The following HSD17B4 variants were observed in gnomAD, a reference collection of about 807,000 sequenced individuals.
The protein encoded by HSD17B4 is peroxisomal multifunctional enzyme type 2.
A neutral mutation model predicts 101.0 loss-of-function variants in HSD17B4; 70 were observed. That is an observed-to-expected ratio of 0.69 (90% confidence interval 0.57 to 0.85). HSD17B4 has a LOEUF of 0.85. HSD17B4 is among the 40% of genes least tolerant of loss of function. HSD17B4 has a pLI of 0.00. For synonymous variants in HSD17B4, 347 were observed against 297.1 expected (o/e 1.17, Z -1.73); for missense variants, 984 against 892.4 (o/e 1.10, Z -1.31).
At position 119,493,875 on chromosome 5, in the gene HSD17B4, C is replaced by T. The variant is rs1377952475; in HGVS notation, c.797C>T (p.Pro266Leu). 1.9e-6 allele frequency: 3 copies of T among 1,612,988 alleles called. No individual in the cohort carries two copies. Among genetic ancestry groups the T allele is most frequent in the Admixed American group, 1.7e-5 (1 of 59,924 alleles). ...IVRQKNHPMT[P>L]EAVKANWKKI... ...AGACAAAAGAATCACCCAATGACTC[C>T]TGAGGCAGTCAAGGCTAACTGGAAG... Residue 266 changes from proline (P) to leucine (L), a missense_variant, in exon 11 of 24, where the codon CCT becomes CTT. Physicochemically the swap from Pro to Leu is moderately conservative, Grantham distance 98. Transcript: ENST00000510025.
chr5:119,520,798 G>A (rs1370867328), intron 17 of HSD17B4, among the ~76,000 whole-genome samples: 1 of 151,888 alleles, frequency 6.6e-6, no homozygotes, highest in Non-Finnish European at 1.5e-5. Context: ...TGCCCTTAAT[G>A]CCTCATTTTC....
chr5:119,490,825 C>G (rs1287443298), intron 9 of HSD17B4, among the ~76,000 whole-genome samples: 3 of 152,138 alleles, frequency 2.0e-5, no homozygotes, highest in Non-Finnish European at 4.4e-5. Flanking sequence ...GCCTTGGCCT[C>G]CCAAAGTCCT....
chr5:119,482,343 C>T (rs1438228936), intron 8 of HSD17B4, among the ~76,000 whole-genome samples: 1 of 151,804 alleles, frequency 6.6e-6, no homozygotes, highest in Non-Finnish European at 1.5e-5. Context: ...TTAAAGTAAC[C>T]ATCTGTTCTT....
chr5:119,518,845 G>T (rs896202820), intron 17 of HSD17B4, among the ~76,000 whole-genome samples: 2 of 152,070 alleles, frequency 1.3e-5, no homozygotes, highest in Non-Finnish European at 2.9e-5. Flanking sequence ...CTTGAAACTG[G>T]TATGACAGGC....
At position 119,541,998 on chromosome 5, in the gene HSD17B4, G is replaced by T. The variant is rs781206714; in HGVS notation, c.*4G>T. 1.3e-6 allele frequency: 2 copies of T among 1,580,314 alleles called. No homozygotes were observed. The highest frequency in any genetic ancestry group is 3.3e-5 in the Admixed American group (2 of 59,862). ...TAAAGACTACGCCAAGCTCTGAAGG[G>T]CACACTACACTATTAATAAAAATGG... On this transcript the variant is annotated 3_prime_UTR_variant, in exon 24 of 24. Coordinates refer to ENST00000510025, the MANE Select transcript of HSD17B4 (RefSeq NM_000414.4).
intron 23 of HSD17B4, 115 bp from the exon 24 acceptor site, chr5:119,541,789 GT>G (rs1194534704): frequency 2.9e-6 from 2 of 693,100 alleles, no homozygotes; most frequent in Non-Finnish European, 5.1e-6. Context: ...GGTTGCCTTT[GT>G]TGTCCAGAAT....
intron 8 of HSD17B4, among the ~76,000 whole-genome samples, chr5:119,487,809 T>C (rs1332101594): frequency 6.6e-6 from 1 of 152,164 alleles, no homozygotes; most frequent in Non-Finnish European, 1.5e-5. Context: ...ATTAGAGGAA[T>C]GTTATGTATT....
At chr5:119,502,327 G>A (rs1034547907) in intron 14 of HSD17B4, among the ~76,000 whole-genome samples, 2 of 152,062 alleles carry the variant, frequency 1.3e-5, no homozygotes, top group East Asian at 1.9e-4. Flanking sequence ...CTCTGTTGAT[G>A]TATGTGTTAT....
chr5:119,508,452 A>C (rs1751864459), intron 15 of HSD17B4, among the ~76,000 whole-genome samples: 1 of 152,212 alleles, frequency 6.6e-6, no homozygotes, highest in Non-Finnish European at 1.5e-5. Context: ...ATTTTTCTTT[A>C]GTATGCAATT....
chr5:119,525,726 C>CTTT, intron 18 of HSD17B4, 191 bp from the exon 19 acceptor site: 2 of 347,708 alleles, frequency 5.8e-6, no homozygotes, highest in Middle Eastern at 7.4e-4. Context: ...TTTTTTTTTT[C>CTTT]TTTCTTTCTT....
chr5:119,536,579 T>A, intron 23 of HSD17B4, 29 bp downstream of exon 23: 2 of 1,606,676 alleles, frequency 1.2e-6, no homozygotes, highest in Non-Finnish European at 1.7e-6. Flanking sequence ...CATTTATTCA[T>A]TGTTTTATTG....
At chr5:119,501,910 CAGAGAT>C in intron 13 of HSD17B4, 125 bp from the exon 14 acceptor site, 1 of 668,696 alleles carries the variant, frequency 1.5e-6, no homozygotes, top group South Asian at 1.8e-5. Flanking sequence ...AGAAGCCAAA[CAGAGAT>C]AGATAACTTG....
intron 1 of HSD17B4, 70 bp downstream of exon 1, chr5:119,452,703 T>G (rs987205230): frequency 1.2e-6 from 2 of 1,608,278 alleles, no homozygotes; most frequent in Admixed American, 1.7e-5. Flanking sequence ...CGGGCCGGCA[T>G]ACGCGCGCAG....
rs1187590933 is a variant in HSD17B4 at position 119,477,407 on chromosome 5, A to G, written c.350-10A>G. The G allele has an allele frequency of 6.4e-7, 1 of 1,570,074 alleles. No homozygotes were observed. ...ACAAAATATTTAATAAAAATAATTT[A>G]TTGTTTTAGATATAATCCACAGAGT... On this transcript the variant is annotated splice_polypyrimidine_tract_variant and intron_variant, in intron 6 of 23. Transcript: ENST00000510025.
chr5:119,525,901 T>C lies in HSD17B4; in HGVS notation c.1574-16T>C. 1 of 1,438,520 alleles carries C rather than the reference T, an allele frequency of 7.0e-7. No homozygotes were observed. Among genetic ancestry groups the C allele is most frequent in the Non-Finnish European group, 9.8e-7 (1 of 1,019,778 alleles). The allele number at this position is 1,438,520 out of a possible 1,614,324, so 89.1% of individuals were successfully genotyped here. The stretch of plus-strand genomic sequence containing the variant: ...AAAGGTACCTGTATCTAACTCAGTG[T>C]TCTCTCTTTTCCTAGGTTTTGACAA... On this transcript the variant is annotated splice_polypyrimidine_tract_variant and intron_variant, in intron 18 of 23. Transcript: ENST00000510025.
chr5:119,493,814 C>T lies in HSD17B4; in HGVS notation c.740-4C>T. The T allele has an allele frequency of 5.0e-6, 8 of 1,611,700 alleles. No homozygotes were observed. The highest frequency in any genetic ancestry group is 6.8e-6 in the Non-Finnish European group (8 of 1,178,166). On this transcript the variant is annotated splice_polypyrimidine_tract_variant and splice_region_variant and intron_variant, in intron 10 of 23. Transcript: ENST00000510025. ...CAGTATGTTAGTTTTGTTTCTATAA[C>T]CAGTACGCTGGGAGCGGACTCTTGG...
intron 2 of HSD17B4, among the ~76,000 whole-genome samples, chr5:119,470,033 G>T (rs1276796213): frequency 6.6e-6 from 1 of 152,120 alleles, no homozygotes; most frequent in African/African-American, 2.4e-5. Flanking sequence ...AGTTGTCTTG[G>T]TCCATATGGG....
intron 8 of HSD17B4, among the ~76,000 whole-genome samples, chr5:119,482,414 C>T (rs923911725): frequency 1.3e-5 from 2 of 152,004 alleles, no homozygotes; most frequent in Non-Finnish European, 2.9e-5. Context: ...ATTTTAAATT[C>T]CTTGTCTGGT....
chr5:119,487,240 A>ATTTTTTTTTTTTTTTTTTTTTTTTTTT (rs5870858), intron 8 of HSD17B4: 1 of 119,088 alleles, frequency 8.4e-6, no homozygotes, highest in Non-Finnish European at 1.7e-5. Flanking sequence ...ACTCTTTTCT[A>ATTTTTTTTTTTTTTTTTTTTTTTTTTT]TTTTTTTTTT....
Sources: allele counts gnomAD v4.1 joint callset (sites outside exome capture counted in the v4.1 genomes callset), GRCh38; gene constraint gnomAD v4.1.1; transcripts MANE v1.5; gene names NCBI Gene and HGNC (gene_info 2026-07-23, HGNC 2026-07-21).